The following SORCS2 variants were observed in gnomAD, a reference collection of about 807,000 sequenced individuals.
SORCS2 encodes the protein sortilin related VPS10 domain containing receptor 2.
Under a neutral mutation model 141.6 loss-of-function variants are expected in SORCS2, and 100 were observed. The observed-to-expected ratio is 0.71, with a 90% CI of 0.60 to 0.83. SORCS2 has a LOEUF of 0.83. Ranked by LOEUF, SORCS2 falls within the 40% of genes least tolerant of loss-of-function variation. The probability of loss-of-function intolerance (pLI) is 0.00; values close to 1 mark genes in which losing one functional copy is unlikely to be tolerated. For synonymous variants in SORCS2, 789 were observed against 676.9 expected (o/e 1.17, Z -2.57); for missense variants, 1,646 against 1,560.2 (o/e 1.05, Z -0.93).
chr4:7,520,723 C>T (rs1323493924), intron 2 of SORCS2, among the ~76,000 whole-genome samples: 1 of 152,218 alleles, frequency 6.6e-6, no homozygotes, highest in Non-Finnish European at 1.5e-5. Flanking sequence ...TCTGTTGCCG[C>T]CAGCCCTCTC....
At chr4:7,678,658 C>A (rs2108959230) in intron 9 of SORCS2, among the ~76,000 whole-genome samples, 1 of 150,550 alleles carries the variant, frequency 6.6e-6, no homozygotes, top group East Asian at 2.0e-4. Context: ...TGAGAGGAAG[C>A]AAGAAGCCAG....
chr4:7,356,654 T>C (rs894817408), intron 1 of SORCS2, among the ~76,000 whole-genome samples: 1 of 152,130 alleles, frequency 6.6e-6, no homozygotes, highest in Non-Finnish European at 1.5e-5. Flanking sequence ...GATTTCAACA[T>C]GTGGATTTGG....
intron 1 of SORCS2, among the ~76,000 whole-genome samples, chr4:7,327,939 A>G (rs892185981): frequency 5.3e-5 from 8 of 149,692 alleles, no homozygotes; most frequent in South Asian, 4.2e-4. Context: ...GGACTCTACT[A>G]TGACACGTCT....
At chr4:7,531,196 A>T (rs1711606527) in intron 2 of SORCS2, among the ~76,000 whole-genome samples, 1 of 152,220 alleles carries the variant, frequency 6.6e-6, no homozygotes, top group Non-Finnish European at 1.5e-5. Flanking sequence ...GTCACCTGTG[A>T]GATGCATGTG....
At position 7,531,444 on chromosome 4, in the gene SORCS2, A is replaced by C. The variant is rs987177661; in HGVS notation, c.549-86A>C. 3 of 1,309,890 alleles carry C rather than the reference A, an allele frequency of 2.3e-6. No homozygotes were observed. The African/African-American group carries it at 4.4e-5, about 19-fold the overall frequency. 81.1% of individuals were successfully genotyped at this position (1,309,890 alleles called of 1,614,324 possible). A position where few individuals can be genotyped will look rare whatever the true frequency, so the allele number is the denominator to read the frequency against. ...TCTGGGGCACTCGGCCCGCACGGGC[A>C]CAGGGCAGGGGCTGGACACCGTGTG... is the stretch of plus-strand genomic sequence containing the variant. On this transcript the variant is annotated intron_variant, in intron 2 of 26. Transcript: ENST00000507866.
At chr4:7,428,168 T>C (rs1726586025) in intron 2 of SORCS2, among the ~76,000 whole-genome samples, 1 of 152,188 alleles carries the variant, frequency 6.6e-6, no homozygotes, top group South Asian at 2.1e-4. Context: ...CTGGGGCGGC[T>C]GCTGGAACTG....
chr4:7,235,204 C>G (rs1433189731), intron 1 of SORCS2, among the ~76,000 whole-genome samples: 1 of 152,236 alleles, frequency 6.6e-6, no homozygotes, highest in African/African-American at 2.4e-5. Context: ...ACTGTGCCGG[C>G]TTGCATGAGG....
rs1425872557 is a variant in SORCS2 at position 7,192,778 on chromosome 4, C to A, written c.132C>A (p.Gly44=). Residue 44 remains glycine, a synonymous_variant, in exon 1 of 27, where the codon GGC becomes GGA. Coordinates refer to ENST00000507866, the MANE Select transcript of SORCS2 (RefSeq NM_020777.3). This position sits in a 1 kb window ranked among gnomAD's most constrained non-coding sequence, Gnocchi z 4.0. ...TCCTGCTGCTGCTGCTGCTGCTGGG[C>A]GCCTGCGGGGCGGCGGGGCGCTCCC... ...RPLLLLLLLL[G]ACGAAGRSPE... is the part of the protein sequence containing the mutation. 1 of 1,008,256 alleles carries A rather than the reference C, an allele frequency of 9.9e-7. No individual in the cohort carries two copies. 62.5% of individuals were successfully genotyped at this position (1,008,256 alleles called of 1,614,324 possible).
chr4:7,354,470 A>G (rs1721131026), intron 1 of SORCS2, among the ~76,000 whole-genome samples: 1 of 152,102 alleles, frequency 6.6e-6, no homozygotes, highest in Non-Finnish European at 1.5e-5. Context: ...TGCAGGGGTA[A>G]GCATCAGCGT....
intron 2 of SORCS2, among the ~76,000 whole-genome samples, chr4:7,523,626 G>A (rs1203756532): frequency 6.6e-6 from 1 of 152,098 alleles, no homozygotes; most frequent in African/African-American, 2.4e-5. Context: ...TCCACCATGA[G>A]CCGGGGCAGC....
intron 3 of SORCS2, among the ~76,000 whole-genome samples, chr4:7,579,968 T>C (rs1716035820): frequency 1.3e-5 from 2 of 151,944 alleles, no homozygotes; most frequent in South Asian, 4.2e-4. Context: ...GAGGGAAGGA[T>C]GTGAGCATAG....
chr4:7,325,810 A>G (rs1380535032), intron 1 of SORCS2, among the ~76,000 whole-genome samples: 1 of 152,166 alleles, frequency 6.6e-6, no homozygotes, highest in East Asian at 1.9e-4. Flanking sequence ...CTTCAGGCAC[A>G]GAGACACCCG....
At chr4:7,242,785 G>A (rs886474841) in intron 1 of SORCS2, among the ~76,000 whole-genome samples, 2 of 152,192 alleles carry the variant, frequency 1.3e-5, no homozygotes, top group Non-Finnish European at 2.9e-5. Context: ...GCTGATGCTC[G>A]GTCAGTCTTA....
At chr4:7,386,599 C>G (rs1443666866) in intron 1 of SORCS2, among the ~76,000 whole-genome samples, 1 of 149,142 alleles carries the variant, frequency 6.7e-6, no homozygotes, top group African/African-American at 2.5e-5. Flanking sequence ...CATTTGCACA[C>G]ACGCACACAT....
rs1450601220 is a variant in SORCS2, at chr4:7,552,209, A to C, written c.648+20580A>C. ...ACCTGTTTCCCAAGATCCAGGGCCC[A>C]TGCGAGGTGGGGCAGGTATATTGCT... On this transcript the variant is annotated intron_variant, in intron 3 of 26. Coordinates refer to ENST00000507866, the MANE Select transcript of SORCS2 (RefSeq NM_020777.3). Among the ~76,000 whole-genome samples the C allele has an allele frequency of 2.0e-5, 3 of 152,136 alleles. No homozygotes were observed. In the East Asian group the frequency reaches 5.8e-4, roughly 29 times the overall value.
chr4:7,524,712 C>T (rs914500045), intron 2 of SORCS2, among the ~76,000 whole-genome samples: 7 of 152,056 alleles, frequency 4.6e-5, no homozygotes, highest in African/African-American at 1.2e-4. Context: ...CCTCCTTAAC[C>T]GCATCTCTCT....
chr4:7,536,839 G>A (rs112983901), intron 3 of SORCS2, among the ~76,000 whole-genome samples: 3 of 44,888 alleles, frequency 6.7e-5, no homozygotes, highest in East Asian at 1.9e-3. Flanking sequence ...ATGTGGGGGG[G>A]GGGGGCGGGC....
chr4:7,276,093 G>A (rs919827429), intron 1 of SORCS2, among the ~76,000 whole-genome samples: 2 of 152,200 alleles, frequency 1.3e-5, no homozygotes, highest in African/African-American at 2.4e-5. Context: ...CCCTCTGTGT[G>A]AGCTGAGCAG....
chr4:7,510,964 G>T (rs562649866), intron 2 of SORCS2, among the ~76,000 whole-genome samples: 1 of 152,226 alleles, frequency 6.6e-6, no homozygotes, highest in African/African-American at 2.4e-5. Flanking sequence ...AGGGAGGTTC[G>T]AGGCCGGAAC....
Sources: allele counts gnomAD v4.1 joint callset (sites outside exome capture counted in the v4.1 genomes callset), GRCh38; gene constraint gnomAD v4.1.1; non-coding constraint Gnocchi (gnomAD v3.1); transcripts MANE v1.5; gene names NCBI Gene and HGNC (gene_info 2026-07-23, HGNC 2026-07-21).